ZBED6: variants seen among roughly 807,000 people sequenced by gnomAD.
The protein encoded by ZBED6 is zinc finger BED domain-containing protein 6.
ZBED6 carries 40 observed loss-of-function variants against 58.4 expected under a neutral mutation model. That is an observed-to-expected ratio of 0.68 (90% CI 0.53 to 0.89). The LOEUF is 0.89. ZBED6 is among the 40% of genes least tolerant of loss of function. ZBED6 has a pLI of 0.00. For synonymous variants in ZBED6, 439 were observed against 350.6 expected (o/e 1.25, Z -2.82); for missense variants, 1,057 against 1,003.9 (o/e 1.05, Z -0.71).
At chr1:203,840,640 T>A (rs201398585) in intron 11 of ZBED6, among the ~76,000 whole-genome samples, 3 of 141,214 alleles carry the variant, frequency 2.1e-5, no homozygotes, top group East Asian at 2.2e-4. Context: ...TTATTTATTT[T>A]ATTTATTTTT....
intron 1 of ZBED6, among the ~76,000 whole-genome samples, chr1:203,810,423 GT>G (rs765335556): frequency 4.7e-4 from 65 of 138,750 alleles, no homozygotes; most frequent in Admixed American, 7.1e-4. Flanking sequence ...TAGCTGTTAG[GT>G]TTTTTTTTTT....
exon 1 of ZBED6, chr1:203,798,836 G>C: frequency 5.9e-6 from 9 of 1,536,142 alleles, no homozygotes; most frequent in Non-Finnish European, 7.8e-6. Flanking sequence ...GGTTCATGCA[G>C]ATTGTGGCCC....
intron 6 of ZBED6, 61 bp from the exon 7 acceptor site, chr1:203,830,062 A>G: frequency 7.1e-7 from 1 of 1,415,476 alleles, no homozygotes; most frequent in African/African-American, 1.4e-5. Flanking sequence ...TGCTATGTAC[A>G]GATAAAATAC....
exon 1 of ZBED6, chr1:203,801,558 C>T (rs1670566163): frequency 6.6e-6 from 1 of 152,434 alleles, no homozygotes; most frequent in African/African-American, 2.4e-5. Flanking sequence ...CCCAATTTTT[C>T]CTTTTTTTCA....
intron 9 of ZBED6, chr1:203,834,075 T>C: frequency 8.3e-7 from 1 of 1,208,534 alleles, no homozygotes. Flanking sequence ...ATGACCAGCG[T>C]TTTGGAAGGA....
At chr1:203,837,763 C>G (rs982323437) in intron 9 of ZBED6, among the ~76,000 whole-genome samples, 2 of 152,212 alleles carry the variant, frequency 1.3e-5, no homozygotes, top group Non-Finnish European at 2.9e-5. Flanking sequence ...CAGGCCTGAG[C>G]CACTGCACCT....
chr1:203,797,772 A>T lies in ZBED6; in HGVS notation c.250A>T (p.Lys84Ter), dbSNP rs1326646897. The change falls in exon 1 of 17, where the codon AAG becomes TAG. Residue 84 changes from lysine to a stop codon, truncating the protein, a stop_gained. Transcript: ENST00000550078. LOFTEE classifies it high-confidence loss of function. ...TCGAAAAAAATTGATTCTTGCCAAAAAGTTTAGTAAGGATTTGGGATCTGG... is the reference window on the plus strand; with the variant it reads ...TCGAAAAAAATTGATTCTTGCCAAATAGTTTAGTAAGGATTTGGGATCTGG... 3.3e-6 allele frequency: 5 copies of T among 1,535,912 alleles called. No individual in the cohort carries two copies. Among genetic ancestry groups the T allele is most frequent in the Non-Finnish European group, 4.4e-6 (5 of 1,146,894 alleles).
chr1:203,831,852 C>A, intron 8 of ZBED6, 81 bp downstream of exon 8: 1 of 1,162,788 alleles, frequency 8.6e-7, no homozygotes, highest in Non-Finnish European at 1.2e-6. Context: ...GTATCTTTTA[C>A]CTTTGATGAA....
At chr1:203,819,206 A>C (rs1677509828) in intron 3 of ZBED6, among the ~76,000 whole-genome samples, 1 of 144,182 alleles carries the variant, frequency 6.9e-6, no homozygotes. Flanking sequence ...CCTCTATGCA[A>C]TTTTTTTTTC....
At chr1:203,799,490 A>G (rs1571877939) in exon 1 of ZBED6, 2 of 703,050 alleles carry the variant, frequency 2.8e-6, no homozygotes, top group East Asian at 2.7e-5. Context: ...ATATGTTAAA[A>G]TGGCTCTTGG....
At position 203,835,704 on chromosome 1, in the gene ZBED6, A is replaced by G. The variant is rs531063893; in HGVS notation, c.*3573+1851A>G. On this transcript the variant is annotated intron_variant, in intron 9 of 16. Transcript: ENST00000550078. ...ATGGGCTTGAGTTACCTTTCCCCAG[A>G]TGACTCTGGTTTTGTTTGGTTTGCC... 100 of 254,736 alleles carry G rather than the reference A, an allele frequency of 3.9e-4. 2 individuals are homozygous for G. The highest frequency in any genetic ancestry group is 1.3e-4 in the Non-Finnish European group (15 of 118,234). The allele number at this position is 254,736 out of a possible 1,614,324, so 15.8% of individuals were successfully genotyped here.
intron 1 of ZBED6, among the ~76,000 whole-genome samples, chr1:203,810,076 G>T (rs577232557): frequency 5.0e-4 from 75 of 149,236 alleles, no homozygotes; most frequent in African/African-American, 1.6e-3. Flanking sequence ...TTTTGCATGG[G>T]ATAGTATTGA....
intron 11 of ZBED6, among the ~76,000 whole-genome samples, chr1:203,846,115 C>CAA (rs34793133): frequency 0.033 from 1,738 of 53,070 alleles, 48 homozygotes; most frequent in African/African-American, 0.11. Context: ...TCGTCTTTAC[C>CAA]AAAAAAAAAA....
intron 3 of ZBED6, among the ~76,000 whole-genome samples, chr1:203,823,432 A>G (rs1479711741): frequency 1.3e-5 from 2 of 152,236 alleles, no homozygotes; most frequent in African/African-American, 2.4e-5. Flanking sequence ...TGCTAGCCAT[A>G]TAAGCACTCT....
intron 1 of ZBED6, among the ~76,000 whole-genome samples, chr1:203,813,270 GATCTC>G (rs1264843434): frequency 6.6e-6 from 1 of 151,584 alleles, no homozygotes; most frequent in Non-Finnish European, 1.5e-5. Flanking sequence ...GCAGTGGTGT[GATCTC>G]AGCTCACTGC....
At chr1:203,795,682 T>G (rs1250842671), upstream of ZBED6, 1 of 152,208 alleles carries the variant, frequency 6.6e-6, no homozygotes, top group Non-Finnish European at 1.5e-5. Flanking sequence ...TTTCTGCTAG[T>G]GCTGCTGCTG....
At chr1:203,805,932 T>C in intron 1 of ZBED6, 1 of 654,128 alleles carries the variant, frequency 1.5e-6, no homozygotes, top group Non-Finnish European at 2.9e-6. Flanking sequence ...TCATTTCCTT[T>C]GCTCCCAGTT....
At chr1:203,850,344 A>G in intron 14 of ZBED6, 171 bp from the exon 15 acceptor site, 1 of 917,296 alleles carries the variant, frequency 1.1e-6, no homozygotes, top group Non-Finnish European at 1.7e-6. Flanking sequence ...GACCACCTGT[A>G]GTGACCACCA....
At chr1:203,800,301 C>A in exon 1 of ZBED6, 1 of 913,520 alleles carries the variant, frequency 1.1e-6, no homozygotes, top group Non-Finnish European at 1.7e-6. Flanking sequence ...CCACTTTCAT[C>A]CAAAACAGAT....
Sources: gnomAD v4.1 joint callset for allele counts (sites outside exome capture counted in the v4.1 genomes callset) on GRCh38, gnomAD v4.1.1 for gene constraint, MANE v1.5 for transcripts, NCBI Gene and HGNC (gene_info 2026-07-23, HGNC 2026-07-21) for gene names.